TMC1: variants seen among roughly 807,000 people sequenced by gnomAD.
TMC1 encodes the protein transmembrane channel-like protein 1.
TMC1 carries 84 observed loss-of-function variants against 105.8 expected under a neutral mutation model. That is an observed-to-expected ratio of 0.79 (90% CI 0.67 to 0.95). The LOEUF is 0.95. Ranked by LOEUF, TMC1 falls within the 40% of genes least tolerant of loss-of-function variation. The probability of loss-of-function intolerance (pLI) is 0.00; values close to 1 mark genes in which losing one functional copy is unlikely to be tolerated. For missense variants in TMC1, 817 were observed against 914.1 expected (o/e 0.89, Z 1.37); for synonymous variants, 315 against 311.5 (o/e 1.01, Z -0.12).
At chr9:72,736,579 G>C (rs1827300908) in intron 8 of TMC1, among the ~76,000 whole-genome samples, 1 of 152,148 alleles carries the variant, frequency 6.6e-6, no homozygotes, top group Non-Finnish European at 1.5e-5. Flanking sequence ...TAGAGCAGTG[G>C]AGATGTCCTG....
At chr9:72,825,153 T>G (rs753683896) in intron 20 of TMC1, among the ~76,000 whole-genome samples, 19 of 152,172 alleles carry the variant, frequency 1.2e-4, no homozygotes, top group Non-Finnish European at 2.6e-4. Context: ...AATGAATGAA[T>G]GAATAATGAC....
chr9:72,554,562 A>G (rs1587953632), intron 1 of TMC1, among the ~76,000 whole-genome samples: 1 of 152,098 alleles, frequency 6.6e-6, no homozygotes, highest in Non-Finnish European at 1.5e-5. Flanking sequence ...TTTGTATTTT[A>G]GAGGAGAGTA....
intron 8 of TMC1, among the ~76,000 whole-genome samples, chr9:72,716,624 G>T (rs186847329): frequency 6.6e-6 from 1 of 152,104 alleles, no homozygotes; most frequent in African/African-American, 2.4e-5. Flanking sequence ...CACCAAGCTC[G>T]AGCATGCCAG....
At chr9:72,574,624 C>T (rs558239416) in intron 1 of TMC1, among the ~76,000 whole-genome samples, 1 of 152,298 alleles carries the variant, frequency 6.6e-6, no homozygotes, top group South Asian at 2.1e-4. Context: ...ACCTGCTAAC[C>T]ACAGGAAGCT....
intron 8 of TMC1, among the ~76,000 whole-genome samples, chr9:72,725,321 GTA>G (rs1357980322): frequency 3.7e-4 from 13 of 34,900 alleles, no homozygotes; most frequent in South Asian, 2.3e-3. Flanking sequence ...TTTTATGTGT[GTA>G]TGTATATATA....
At chr9:72,720,534 G>A (rs1827004036) in intron 8 of TMC1, among the ~76,000 whole-genome samples, 1 of 152,188 alleles carries the variant, frequency 6.6e-6, no homozygotes, top group African/African-American at 2.4e-5. Flanking sequence ...GTCCCAATGG[G>A]GGCCACATAA....
chr9:72,761,578 T>G (rs181072604), intron 12 of TMC1, among the ~76,000 whole-genome samples: 1 of 152,284 alleles, frequency 6.6e-6, no homozygotes, highest in East Asian at 1.9e-4. Context: ...AGTAGGTACA[T>G]ACATTAAATT....
At chr9:72,828,420 AACACAC>A (rs35308376) in intron 21 of TMC1, among the ~76,000 whole-genome samples, 58 of 149,908 alleles carry the variant, frequency 3.9e-4, no homozygotes, top group African/African-American at 1.3e-3. Context: ...TGTTGTTTAA[AACACAC>A]ACACACACAC....
intron 4 of TMC1, among the ~76,000 whole-genome samples, chr9:72,644,287 GT>G (rs913981624): frequency 6.6e-6 from 1 of 150,552 alleles, no homozygotes; most frequent in African/African-American, 2.4e-5. Flanking sequence ...TTCACTTTAT[GT>G]TTTTTTTTAT....
chr9:72,729,443 G>A (rs1827171631), intron 8 of TMC1, among the ~76,000 whole-genome samples: 1 of 152,142 alleles, frequency 6.6e-6, no homozygotes, highest in Non-Finnish European at 1.5e-5. Context: ...TAGTCAGGTA[G>A]TTACTCTTTA....
At position 72,539,059 on chromosome 9, in the gene TMC1, C is replaced by T. The variant is rs181405992; in HGVS notation, c.-428+17146C>T. ...TTAATTTTGATTTCCAGCAGCCACG[C>T]CACTTCTTGAATGCTGTGTTGCTTA... On this transcript the variant is annotated intron_variant, in intron 1 of 23. Transcript: ENST00000297784. 5.3e-5 allele frequency among the ~76,000 whole-genome samples: 8 copies of T among 150,060 alleles called. No individual in the cohort carries two copies. In the East Asian group the frequency reaches 1.6e-3, roughly 29 times the overall value.
At chr9:72,758,503 G>C (rs1034228850) in intron 12 of TMC1, among the ~76,000 whole-genome samples, 1 of 152,208 alleles carries the variant, frequency 6.6e-6, no homozygotes, top group African/African-American at 2.4e-5. Flanking sequence ...ATGAGATGCT[G>C]TCTTGGTCAG....
At chr9:72,779,970 T>C (rs1828066534) in intron 13 of TMC1, among the ~76,000 whole-genome samples, 1 of 152,102 alleles carries the variant, frequency 6.6e-6, no homozygotes, top group African/African-American at 2.4e-5. Flanking sequence ...CCACAGATTC[T>C]TTAAGGTCAA....
At chr9:72,771,974 TAAG>T (rs538251526) in intron 12 of TMC1, among the ~76,000 whole-genome samples, 11 of 152,188 alleles carry the variant, frequency 7.2e-5, no homozygotes, top group Non-Finnish European at 1.5e-4. Flanking sequence ...CTCTGTGGTT[TAAG>T]AAGAACTGAT....
intron 1 of TMC1, among the ~76,000 whole-genome samples, chr9:72,524,857 G>A (rs1823379712): frequency 6.6e-6 from 1 of 152,170 alleles, no homozygotes; most frequent in South Asian, 2.1e-4. Flanking sequence ...GCAGAGCCAG[G>A]ATTATAAACC....
At chr9:72,564,144 T>C (rs1357924145) in intron 1 of TMC1, among the ~76,000 whole-genome samples, 2 of 152,160 alleles carry the variant, frequency 1.3e-5, no homozygotes, top group Non-Finnish European at 2.9e-5. Context: ...ATTATATTTT[T>C]ACCAATGCCA....
At chr9:72,758,747 C>T (rs2118080875) in intron 12 of TMC1, among the ~76,000 whole-genome samples, 1 of 152,224 alleles carries the variant, frequency 6.6e-6, no homozygotes, top group Middle Eastern at 3.4e-3. Flanking sequence ...TCAGGTTAAC[C>T]AGACGTTTCT....
intron 19 of TMC1, 21 bp from the exon 20 acceptor site, chr9:72,820,816 TGAGCA>T: frequency 1.9e-6 from 3 of 1,613,728 alleles, no homozygotes; most frequent in Non-Finnish European, 2.5e-6. Flanking sequence ...GACTCAAAAC[TGAGCA>T]GAGTTCTGTT....
At chr9:72,692,734 T>A (rs532673513) in intron 6 of TMC1, among the ~76,000 whole-genome samples, 2 of 152,246 alleles carry the variant, frequency 1.3e-5, no homozygotes, top group East Asian at 3.9e-4. Context: ...GGGGTTCAAA[T>A]AACATACATT....
Sources: allele counts gnomAD v4.1 joint callset (sites outside exome capture counted in the v4.1 genomes callset), GRCh38; gene constraint gnomAD v4.1.1; transcripts MANE v1.5; gene names NCBI Gene and HGNC (gene_info 2026-07-23, HGNC 2026-07-21).